The following DCDC1 variants were observed in gnomAD, a reference collection of about 807,000 sequenced individuals.
DCDC1 encodes the protein doublecortin domain-containing protein 1.
In DCDC1, 200 loss-of-function variants were observed where a neutral mutation model predicts 178.3. The observed-to-expected ratio is 1.12, with a 90% CI of 1.00 to 1.26. DCDC1 has a LOEUF of 1.26. DCDC1 is among the 50% of genes most tolerant of loss of function. DCDC1 has a pLI of 0.00. For synonymous variants in DCDC1, 690 were observed against 604.8 expected (o/e 1.14, Z -2.07); for missense variants, 1,983 against 1,749.2 (o/e 1.13, Z -2.38).
chr11:30,943,366 C>T, intron 21 of DCDC1: 1 of 183,266 alleles, frequency 5.5e-6, no homozygotes, highest in Non-Finnish European at 1.1e-5. Context: ...TCTCCTTTTC[C>T]CCCCTCTTTA....
chr11:31,111,113 C>T (rs1959167291), intron 11 of DCDC1, among the ~76,000 whole-genome samples: 1 of 152,072 alleles, frequency 6.6e-6, no homozygotes, highest in African/African-American at 2.4e-5. Context: ...ATTCACCAGG[C>T]AAGAAAGGAA....
chr11:30,875,046 A>G (rs987544292), intron 38 of DCDC1, among the ~76,000 whole-genome samples: 2 of 152,130 alleles, frequency 1.3e-5, no homozygotes, highest in Non-Finnish European at 2.9e-5. Flanking sequence ...ATTTCTATTT[A>G]TACATTTGGT....
chr11:31,114,473 G>A (rs1026937072), intron 11 of DCDC1, among the ~76,000 whole-genome samples: 50 of 152,138 alleles, frequency 3.3e-4, no homozygotes, highest in African/African-American at 1.2e-3. Flanking sequence ...ATCAAGGAGT[G>A]TGATGGATGT....
At chr11:31,352,999 A>G (rs1031175155) in intron 1 of DCDC1, among the ~76,000 whole-genome samples, 1 of 152,304 alleles carries the variant, frequency 6.6e-6, no homozygotes. Flanking sequence ...CTCTTTTTCT[A>G]TACACTATAA....
chr11:31,340,373 GAGA>G (rs778035518), intron 1 of DCDC1, among the ~76,000 whole-genome samples: 6 of 152,148 alleles, frequency 3.9e-5, no homozygotes, highest in Non-Finnish European at 4.4e-5. Flanking sequence ...GGGAGGAAAG[GAGA>G]AGGAGAGGTG....
intron 10 of DCDC1, among the ~76,000 whole-genome samples, chr11:31,133,713 T>C (rs1962753130): frequency 2.6e-5 from 4 of 152,136 alleles, no homozygotes; most frequent in African/African-American, 9.7e-5. Flanking sequence ...GTTTTTGTTT[T>C]TGTTTTTTGA....
chr11:31,243,429 T>C (rs919056876), intron 8 of DCDC1, among the ~76,000 whole-genome samples: 2 of 151,768 alleles, frequency 1.3e-5, no homozygotes, highest in African/African-American at 4.8e-5. Context: ...TAAAGTTTAA[T>C]AAATTGAGCA....
intron 20 of DCDC1, among the ~76,000 whole-genome samples, chr11:31,031,688 GCC>G (rs1291855344): frequency 6.6e-6 from 1 of 151,944 alleles, no homozygotes; most frequent in Non-Finnish European, 1.5e-5. Flanking sequence ...TATAAAGAAA[GCC>G]AGCAATATTG....
chr11:31,064,566 G>A lies in DCDC1; in HGVS notation c.2494C>T (p.His832Tyr), dbSNP rs781138578. ...TCAAGAGAACCTTCTGGCATTAAAT[G>A]GGTGTCTGAGGGTTCTGGCAGTTGC... is the stretch of plus-strand genomic sequence containing the variant. ...LKQLPEPSDTHLMPEGSLEET... is the reference protein window; with the variant it reads ...LKQLPEPSDTYLMPEGSLEET... Residue 832 changes from histidine to tyrosine, a missense_variant, in exon 20 of 39, where the codon CAT becomes TAT. Coordinates refer to ENST00000684477, the MANE Select transcript of DCDC1 (RefSeq NM_001387274.1). 3 of 765,856 alleles carry A rather than the reference G, an allele frequency of 3.9e-6. No individual in the cohort carries two copies. The highest frequency in any genetic ancestry group is 7.2e-6 in the Non-Finnish European group (3 of 417,620). 47.4% of individuals were successfully genotyped at this position (765,856 alleles called of 1,614,324 possible). A position where few individuals can be genotyped will look rare whatever the true frequency, so the allele number is the denominator to read the frequency against.
At chr11:31,072,512 A>C (rs1956629494) in intron 18 of DCDC1, among the ~76,000 whole-genome samples, 1 of 152,118 alleles carries the variant, frequency 6.6e-6, no homozygotes, top group East Asian at 1.9e-4. Flanking sequence ...AGATGTACTT[A>C]TGAAGATGTA....
At chr11:31,250,415 C>CATATATATATATATATATATATATATAT (rs753411919) in intron 8 of DCDC1, among the ~76,000 whole-genome samples, 2 of 73,728 alleles carry the variant, frequency 2.7e-5, no homozygotes, top group African/African-American at 1.0e-4. Flanking sequence ...CACACACACA[C>CATATATATATATATATATATATATATAT]ATATACATAT....
At chr11:30,898,690 T>A (rs924505795) in intron 34 of DCDC1, among the ~76,000 whole-genome samples, 4 of 152,154 alleles carry the variant, frequency 2.6e-5, no homozygotes, top group African/African-American at 9.7e-5. Context: ...TAGTCATTAT[T>A]TTCACTTACA....
rs146899636 is a variant in DCDC1 at position 31,082,561 on chromosome 11, A to G, written c.2238-4636T>C. On this transcript the variant is annotated intron_variant, in intron 17 of 38. Coordinates refer to ENST00000684477, the MANE Select transcript of DCDC1 (RefSeq NM_001387274.1). ...AGATATCACCCATACAGCTATATCGATATGTGATATAGATACAGATATGAT... is the reference window on the plus strand; with the variant it reads ...AGATATCACCCATACAGCTATATCGGTATGTGATATAGATACAGATATGAT... Among the ~76,000 whole-genome samples, 18 of 148,888 alleles carry G rather than the reference A, an allele frequency of 1.2e-4. No homozygotes were observed. The Admixed American group carries it at 1.2e-3, about 10-fold the overall frequency.
At chr11:31,127,864 T>C (rs1961870011) in intron 10 of DCDC1, among the ~76,000 whole-genome samples, 1 of 152,130 alleles carries the variant, frequency 6.6e-6, no homozygotes, top group African/African-American at 2.4e-5. Flanking sequence ...ATGGGGTAGG[T>C]AGCCCTTTAC....
intron 9 of DCDC1, among the ~76,000 whole-genome samples, chr11:31,141,854 C>T (rs576358825): frequency 8.0e-4 from 122 of 152,320 alleles, no homozygotes; most frequent in African/African-American, 2.9e-3. Context: ...GAGTTTAGCG[C>T]GAGAGCTTTC....
chr11:30,937,121 G>A (rs1035991624), intron 21 of DCDC1, among the ~76,000 whole-genome samples: 16 of 151,994 alleles, frequency 1.1e-4, no homozygotes, highest in African/African-American at 2.7e-4. Context: ...TTACCCAGGA[G>A]GTTAGTTCTT....
intron 20 of DCDC1, among the ~76,000 whole-genome samples, chr11:31,017,968 T>C (rs1952598335): frequency 6.6e-6 from 1 of 152,198 alleles, no homozygotes; most frequent in Non-Finnish European, 1.5e-5. Flanking sequence ...TTTGTCATAA[T>C]CTTGGTTTGA....
At chr11:31,315,306 C>CTTTTTTTTTTTT (rs72156406) in intron 3 of DCDC1, among the ~76,000 whole-genome samples, 1 of 62,140 alleles carries the variant, frequency 1.6e-5, no homozygotes. Flanking sequence ...TTTGCATACC[C>CTTTTTTTTTTTT]TTTTTTTTTT....
intron 22 of DCDC1, among the ~76,000 whole-genome samples, chr11:30,926,811 A>G (rs1395496774): frequency 1.3e-5 from 2 of 152,290 alleles, no homozygotes; most frequent in Admixed American, 1.3e-4. Context: ...AAGTAAATAA[A>G]ACAGGCTGGG....
Sources: allele counts gnomAD v4.1 joint callset (sites outside exome capture counted in the v4.1 genomes callset), GRCh38; gene constraint gnomAD v4.1.1; transcripts MANE v1.5; gene names NCBI Gene and HGNC (gene_info 2026-07-23, HGNC 2026-07-21).